CDH2: variants seen among roughly 807,000 people sequenced by gnomAD.
CDH2 encodes cadherin-2.
A neutral mutation model predicts 92.0 loss-of-function variants in CDH2; 17 were observed. The observed-to-expected ratio is 0.18, with a 90% CI of 0.13 to 0.28. The LOEUF (loss-of-function observed/expected upper bound fraction) is 0.28, where lower values mean the gene tolerates loss of function less well. Among genes scored for constraint, CDH2 ranks in the 10% least tolerant of loss-of-function variants. CDH2 has a pLI of 1.00. For synonymous variants in CDH2, 419 were observed against 415.9 expected, an observed-to-expected ratio of 1.01 and a Z score of -0.09; for missense variants, 862 against 1,133.1, an observed-to-expected ratio of 0.76 and a Z score of 3.44.
At chr18:27,947,685 A>G (rs796709635), downstream of CDH2, among the ~76,000 whole-genome samples, 2 of 149,174 alleles carry the variant, frequency 1.3e-5, no homozygotes, top group African/African-American at 4.9e-5. Flanking sequence ...TATATGTGAT[A>G]TAAGTGTATA....
At chr18:28,066,829 G>A (rs2014517742) in intron 2 of CDH2, among the ~76,000 whole-genome samples, 2 of 151,902 alleles carry the variant, frequency 1.3e-5, no homozygotes, top group Admixed American at 6.6e-5. Flanking sequence ...CATCATTTAT[G>A]TATATACTCC....
chr18:28,152,567 A>C (rs1306819196), intron 1 of CDH2, among the ~76,000 whole-genome samples: 1 of 152,170 alleles, frequency 6.6e-6, no homozygotes, highest in Non-Finnish European at 1.5e-5. Flanking sequence ...GAAACAGCAT[A>C]GTGCCTGGGG....
intron 2 of CDH2, among the ~76,000 whole-genome samples, chr18:28,118,711 A>C (rs990319298): frequency 6.6e-6 from 1 of 151,994 alleles, no homozygotes; most frequent in Non-Finnish European, 1.5e-5. Flanking sequence ...AGGAAGGAAG[A>C]CTTAGGCCGT....
At position 28,130,744 on chromosome 18, in the gene CDH2, G is replaced by C. The variant is rs116377595; in HGVS notation, c.172+16929C>G. Among the ~76,000 whole-genome samples, 416 of 152,302 alleles carry C rather than the reference G, an allele frequency of 2.7e-3. 1 individual carries two copies. Among genetic ancestry groups the C allele is most frequent in the African/African-American group, 9.7e-3 (404 of 41,574 alleles). On this transcript the variant is annotated intron_variant, in intron 2 of 15. Coordinates refer to ENST00000269141, the MANE Select transcript of CDH2 (RefSeq NM_001792.5). ...TCTGTTACCTCCTTAGGGGCACAGA[G>C]GGCTGTAATGCTGCCAAGACTTTCT...
At chr18:27,974,952 A>C (rs548929668) in intron 14 of CDH2, among the ~76,000 whole-genome samples, 16 of 152,284 alleles carry the variant, frequency 1.1e-4, no homozygotes, top group African/African-American at 3.6e-4. Context: ...AACAGACTGA[A>C]CTACTTTCTT....
chr18:28,095,839 A>G (rs2015125763), intron 2 of CDH2, among the ~76,000 whole-genome samples: 2 of 150,902 alleles, frequency 1.3e-5, no homozygotes, highest in South Asian at 4.2e-4. Flanking sequence ...AGAAAAGAGA[A>G]TTACCACATA....
At chr18:27,957,176 C>T (rs1030196500) in intron 15 of CDH2, among the ~76,000 whole-genome samples, 11 of 136,910 alleles carry the variant, frequency 8.0e-5, no homozygotes, top group South Asian at 7.5e-4. Context: ...AATATCACTT[C>T]GACTGCACAG....
intron 7 of CDH2, among the ~76,000 whole-genome samples, chr18:27,999,320 C>G (rs1385031053): frequency 3.3e-5 from 5 of 152,100 alleles, no homozygotes; most frequent in Admixed American, 3.3e-4. Flanking sequence ...AAAGCTCTAA[C>G]TTCATCCTAT....
chr18:28,072,031 A>G (rs570439651), intron 2 of CDH2, among the ~76,000 whole-genome samples: 15 of 152,296 alleles, frequency 9.8e-5, no homozygotes, highest in African/African-American at 3.4e-4. Context: ...CAATGATTCT[A>G]TAGAATTCTT....
At chr18:27,949,492 T>C (rs1909356839), downstream of CDH2, among the ~76,000 whole-genome samples, 1 of 151,980 alleles carries the variant, frequency 6.6e-6, no homozygotes. Flanking sequence ...ATTATGTTCA[T>C]ATTATGGAAT....
At chr18:28,145,548 C>T (rs574123156) in intron 2 of CDH2, among the ~76,000 whole-genome samples, 2 of 151,980 alleles carry the variant, frequency 1.3e-5, no homozygotes, top group East Asian at 3.9e-4. Flanking sequence ...TTGGATTATC[C>T]TTCTAATAAA....
At chr18:27,964,262 C>T (rs551614336) in intron 14 of CDH2, among the ~76,000 whole-genome samples, 8 of 152,260 alleles carry the variant, frequency 5.3e-5, no homozygotes, top group East Asian at 1.9e-4. Context: ...ACAATCTGTC[C>T]GCTTTCAGAG....
At chr18:28,094,507 A>G (rs1269962022) in intron 2 of CDH2, among the ~76,000 whole-genome samples, 1 of 150,316 alleles carries the variant, frequency 6.7e-6, no homozygotes, top group African/African-American at 2.5e-5. Flanking sequence ...AAAACAAAAC[A>G]AAAAAAGCCA....
At chr18:28,114,076 G>C (rs960854779) in intron 2 of CDH2, among the ~76,000 whole-genome samples, 2 of 152,028 alleles carry the variant, frequency 1.3e-5, no homozygotes, top group Non-Finnish European at 2.9e-5. Context: ...GAGGGATAGA[G>C]AGAGATTTGT....
chr18:27,978,947 T>G lies in CDH2; in HGVS notation c.2349+3997A>C, dbSNP rs1293197247. 5.3e-5 allele frequency among the ~76,000 whole-genome samples: 8 copies of G among 152,014 alleles called. No homozygotes were observed. In the East Asian group the frequency reaches 1.2e-3, roughly 22 times the overall value. Reference sequence around the variant, plus strand: ...CTGGGATTATAGGTATGAACCACTGTGCCCCACTCAAAATTTTTAAATAGA... The same window carrying G: ...CTGGGATTATAGGTATGAACCACTGGGCCCCACTCAAAATTTTTAAATAGA... On this transcript the variant is annotated intron_variant, in intron 14 of 15. Coordinates refer to ENST00000269141, the MANE Select transcript of CDH2 (RefSeq NM_001792.5).
At chr18:28,163,277 G>T (rs1303683435) in intron 1 of CDH2, among the ~76,000 whole-genome samples, 1 of 152,192 alleles carries the variant, frequency 6.6e-6, no homozygotes, top group African/African-American at 2.4e-5. Context: ...ACTGCTGGCA[G>T]ACCAGTATGG....
chr18:28,075,363 T>C (rs2014699547), intron 2 of CDH2, among the ~76,000 whole-genome samples: 1 of 152,150 alleles, frequency 6.6e-6, no homozygotes, highest in South Asian at 2.1e-4. Context: ...CTTCAGTTTC[T>C]CTGGTCCAGT....
In CDH2 at chr18:27,985,174, G is replaced by C. The variant is rs747090043; in HGVS notation, c.2035C>G (p.Pro679Ala). The change falls in exon 13 of 16, where the codon CCC becomes GCC. Residue 679 changes from proline to alanine, a missense_variant. By Grantham distance (27) the Pro-to-Ala change is conservative (BLOSUM62 -1). Transcript: ENST00000269141. Reference sequence around the variant, plus strand: ...TTACCCGAATCTGTGATTATGATGGGAACTTCATAGATACCAGCTTCAAGA... The same window carrying C: ...TTACCCGAATCTGTGATTATGATGGCAACTTCATAGATACCAGCTTCAAGA... ...KFLEAGIYEV[P>A]IIITDSGNPP... The C allele has an allele frequency of 1.2e-6, 2 of 1,612,880 alleles. No homozygotes were observed. Among genetic ancestry groups the C allele is most frequent in the Non-Finnish European group, 1.7e-6 (2 of 1,178,980 alleles).
chr18:28,167,842 T>C (rs961462895), intron 1 of CDH2, among the ~76,000 whole-genome samples: 2 of 152,150 alleles, frequency 1.3e-5, no homozygotes, highest in Non-Finnish European at 2.9e-5. Flanking sequence ...TAGAACTCAA[T>C]CGTAAAGGTG....
Sources: gnomAD v4.1 joint callset for allele counts (sites outside exome capture counted in the v4.1 genomes callset) on GRCh38, gnomAD v4.1.1 for gene constraint, MANE v1.5 for transcripts, NCBI Gene and HGNC (gene_info 2026-07-23, HGNC 2026-07-21) for gene names.